PCDHGA4: variants seen among roughly 807,000 people sequenced by gnomAD.
The protein encoded by PCDHGA4 is protocadherin gamma subfamily A, 4.
PCDHGA4 carries 38 observed loss-of-function variants against 54.6 expected under a neutral mutation model. That is an observed-to-expected ratio of 0.70 (90% CI 0.54 to 0.91). PCDHGA4 has a LOEUF of 0.91. Among genes scored for constraint, PCDHGA4 ranks in the 40% least tolerant of loss-of-function variants. The pLI is 0.00. For missense variants in PCDHGA4, 1,298 were observed against 1,220.9 expected, an observed-to-expected ratio of 1.06 and a Z score of -0.94; for synonymous variants, 511 against 512.9, an observed-to-expected ratio of 1.00 and a Z score of 0.05.
At position 141,489,397 on chromosome 5, in the gene PCDHGA4, G is replaced by A. The variant is rs1307106048; in HGVS notation, c.2515-5410G>A. 2.5e-6 allele frequency: 4 copies of A among 1,614,058 alleles called. No homozygotes were observed. The highest frequency in any genetic ancestry group is 2.7e-5 in the African/African-American group (2 of 74,914). ...GGTGGGGAATGTTGCTCAGGATCTG[G>A]GCTTAAAGATGACAGATCTGTTGAG... On this transcript the variant is annotated intron_variant, in intron 1 of 3. Transcript: ENST00000571252. This position sits in a 1 kb window ranked among gnomAD's most constrained non-coding sequence, Gnocchi z 4.5.
chr5:141,366,534 T>C (rs1383417034), intron 1 of PCDHGA4: 2 of 1,614,264 alleles, frequency 1.2e-6, no homozygotes, highest in Non-Finnish European at 1.7e-6. Context: ...TTGGCGGGTG[T>C]GCCCGCCTCG....
At position 141,486,447 on chromosome 5, in the gene PCDHGA4, T is replaced by A. The variant is rs1452869378; in HGVS notation, c.2515-8360T>A. 6.2e-7 allele frequency: 1 copy of A among 1,614,058 alleles called. No individual in the cohort carries two copies. The highest frequency in any genetic ancestry group is 1.7e-5 in the Admixed American group (1 of 60,012). On this transcript the variant is annotated intron_variant, in intron 1 of 3. Coordinates refer to ENST00000571252, the MANE Select transcript of PCDHGA4 (RefSeq NM_018917.4). This position sits in a 1 kb window ranked among gnomAD's most constrained non-coding sequence, Gnocchi z 5.0. Reference sequence around the variant, plus strand: ...GCCAAATCTAGCTATGACATCATGGTCACTGCTTCTGATGCTGGGAACCCT... The same window carrying A: ...GCCAAATCTAGCTATGACATCATGGACACTGCTTCTGATGCTGGGAACCCT...
At chr5:141,458,289 T>G (rs2154566205) in intron 1 of PCDHGA4, among the ~76,000 whole-genome samples, 1 of 152,280 alleles carries the variant, frequency 6.6e-6, no homozygotes, top group African/African-American at 2.4e-5. Flanking sequence ...CTGGTCCTCA[T>G]GCTGGTTTAG....
rs1228771998 is a variant in PCDHGA4 at position 141,477,832 on chromosome 5, A to G, written c.2515-16975A>G. The stretch of plus-strand genomic sequence containing the variant: ...CCCCCCAGGTCCTATATCCTCGGCC[A>G]GGTGGGAGCTCGGTGGAGATGCTGC... On this transcript the variant is annotated intron_variant, in intron 1 of 3. Transcript: ENST00000571252. This position sits in a 1 kb window ranked among gnomAD's most constrained non-coding sequence, Gnocchi z 4.9. 1.2e-6 allele frequency: 2 copies of G among 1,614,166 alleles called. No homozygotes were observed. Among genetic ancestry groups the G allele is most frequent in the South Asian group, 1.1e-5 (1 of 91,086 alleles).
chr5:141,502,098 G>T (rs1341016516), intron 2 of PCDHGA4, among the ~76,000 whole-genome samples: 2 of 152,108 alleles, frequency 1.3e-5, no homozygotes, highest in Non-Finnish European at 2.9e-5. Flanking sequence ...ACCTGGCCTT[G>T]ACCCTGCACC....
chr5:141,478,711 T>C, intron 1 of PCDHGA4: 3 of 1,547,346 alleles, frequency 1.9e-6, no homozygotes, highest in Non-Finnish European at 1.7e-6. Flanking sequence ...CTTTGTGAGA[T>C]GGTGGCCTGC....
At position 141,356,943 on chromosome 5, in the gene PCDHGA4, C is replaced by G; in HGVS notation, c.1836C>G (p.Ser612=). 1.2e-6 allele frequency: 2 copies of G among 1,614,240 alleles called. No homozygotes were observed. Among genetic ancestry groups the G allele is most frequent in the African/African-American group, 1.3e-5 (1 of 75,074 alleles). The change falls in exon 1 of 4, where the codon TCC becomes TCG. Residue 612 remains serine, a synonymous_variant. Transcript: ENST00000571252. ...GSTGVELAPR[S]ADSGYLVTKV... ...CTGGTGTGGAGCTGGCACCCCGCTC[C>G]GCAGATTCCGGCTACCTGGTGACCA...
rs200349213 is a variant in PCDHGA4 at position 141,425,728 on chromosome 5, GGAT to G, written c.2514+68109_2514+68111del. Among the ~76,000 whole-genome samples the G allele has an allele frequency of 9.8e-4, 149 of 152,196 alleles. 2 individuals carry two copies. In the East Asian group the frequency reaches 0.027, roughly 28 times the overall value. ...AAAATTTTCCCATACCACTTGATGG[GGAT>G]GTTTTCCCACAAGGTTTTTGTTCTA... On this transcript the variant is annotated intron_variant, in intron 1 of 3. Transcript: ENST00000571252.
chr5:141,399,093 A>C, intron 1 of PCDHGA4: 1 of 1,613,820 alleles, frequency 6.2e-7, no homozygotes. Flanking sequence ...ATGGTGGTGG[A>C]CTGGTTGCAC....
chr5:141,474,967 T>G (rs745581213), intron 1 of PCDHGA4, among the ~76,000 whole-genome samples: 6 of 152,252 alleles, frequency 3.9e-5, no homozygotes, highest in Non-Finnish European at 7.3e-5. Context: ...TCCTAATCAT[T>G]ATAATTTTGT....
chr5:141,483,711 A>G (rs1258383632), intron 1 of PCDHGA4, among the ~76,000 whole-genome samples: 2 of 152,122 alleles, frequency 1.3e-5, no homozygotes, highest in African/African-American at 2.4e-5. Context: ...TGACACCAGA[A>G]TATTGGTTCC....
chr5:141,418,897 A>T, intron 1 of PCDHGA4: 1 of 1,613,980 alleles, frequency 6.2e-7, no homozygotes, highest in Non-Finnish European at 8.5e-7. Flanking sequence ...ACAGCCCAGA[A>T]ATAATCATCA....
intron 1 of PCDHGA4, among the ~76,000 whole-genome samples, chr5:141,459,692 G>A (rs891511502): frequency 2.6e-5 from 4 of 152,134 alleles, no homozygotes; most frequent in African/African-American, 9.7e-5. Flanking sequence ...AAAGCGTTCC[G>A]CTTGCTACAT....
chr5:141,365,547 C>A, intron 1 of PCDHGA4: 1 of 1,613,738 alleles, frequency 6.2e-7, no homozygotes, highest in Non-Finnish European at 8.5e-7. Flanking sequence ...CACCTATTAA[C>A]AACTAGGGAC....
intron 1 of PCDHGA4, chr5:141,398,580 A>T: frequency 1.2e-6 from 2 of 1,614,044 alleles, no homozygotes; most frequent in Non-Finnish European, 1.7e-6. Flanking sequence ...CTGGCACAAG[A>T]TTTATACTAG....
intron 1 of PCDHGA4, chr5:141,371,745 G>A (rs767038146): frequency 2.5e-6 from 4 of 1,613,884 alleles, no homozygotes; most frequent in Middle Eastern, 1.6e-4. Flanking sequence ...CAACGTTCCC[G>A]TTTTCCACCA....
intron 1 of PCDHGA4, chr5:141,375,655 G>T: frequency 6.2e-7 from 1 of 1,614,246 alleles, no homozygotes; most frequent in Non-Finnish European, 8.5e-7. Flanking sequence ...ACTATGAGCA[G>T]TTGAGAGACC....
intron 1 of PCDHGA4, among the ~76,000 whole-genome samples, chr5:141,466,540 G>T (rs1302720337): frequency 6.6e-6 from 1 of 152,094 alleles, no homozygotes; most frequent in Non-Finnish European, 1.5e-5. Context: ...GATGTAGATG[G>T]TCTTTTGCTG....
At position 141,423,606 on chromosome 5, in the gene PCDHGA4, G is replaced by A. The variant is rs945897368; in HGVS notation, c.2514+65985G>A. 9 of 1,612,046 alleles carry A rather than the reference G, an allele frequency of 5.6e-6. No individual in the cohort carries two copies. In the Admixed American group the frequency reaches 1.0e-4, roughly 18 times the overall value. On this transcript the variant is annotated intron_variant, in intron 1 of 3. Transcript: ENST00000571252. ...GCTGTGAGAAAAGCGAGCCACTCTT[G>A]ATAGCTGAAGACTCAGCTATCATTT...
Sources: gnomAD v4.1 joint callset for allele counts (sites outside exome capture counted in the v4.1 genomes callset) on GRCh38, gnomAD v4.1.1 for gene constraint, Gnocchi (gnomAD v3.1) non-coding constraint, MANE v1.5 for transcripts, NCBI Gene and HGNC (gene_info 2026-07-23, HGNC 2026-07-21) for gene names.